The following SMIM40 variants were observed in gnomAD, a reference collection of about 807,000 sequenced individuals.
SMIM40 encodes the protein small integral membrane protein 40.
At position 33,326,847 on chromosome 6, in the gene SMIM40, C is replaced by T. The variant is rs993344389; in HGVS notation, c.*39+2140G>A. On this transcript the variant is annotated intron_variant, in intron 1 of 2. Transcript: ENST00000494082. The stretch of plus-strand genomic sequence containing the variant: ...TCAAAAAATAAAAAAATAGGCCGGG[C>T]GTGGTGGCTCAAACCTGTAATCCCA... 5.5e-5 allele frequency among the ~76,000 whole-genome samples: 8 copies of T among 146,710 alleles called. 1 individual carries two copies. The highest frequency in any genetic ancestry group is 8.9e-5 in the Non-Finnish European group (6 of 67,590).
chr6:33,328,315 G>A (rs2151011419), intron 1 of SMIM40, among the ~76,000 whole-genome samples: 2 of 151,036 alleles, frequency 1.3e-5, no homozygotes, highest in South Asian at 4.2e-4. Flanking sequence ...CCTCTGAGTA[G>A]CTGAGGCAGA....
chr6:33,327,952 G>C (rs1324931868), intron 1 of SMIM40, among the ~76,000 whole-genome samples: 1 of 150,008 alleles, frequency 6.7e-6, no homozygotes, highest in Admixed American at 6.7e-5. Context: ...TAGGGGTGCT[G>C]GTGCACACCT....
chr6:33,326,163 C>CTT (rs770269427), intron 1 of SMIM40, among the ~76,000 whole-genome samples: 1 of 135,714 alleles, frequency 7.4e-6, no homozygotes, highest in Non-Finnish European at 1.6e-5. Flanking sequence ...CTAATTTATA[C>CTT]TTTTTTTTTT....
chr6:33,327,235 A>G (rs887618220), intron 1 of SMIM40, among the ~76,000 whole-genome samples: 4 of 148,530 alleles, frequency 2.7e-5, no homozygotes, highest in African/African-American at 1.0e-4. Context: ...AGCCTGGCCA[A>G]TATGGTGACA....
At chr6:33,328,182 TTTTA>T (rs1056592958) in intron 1 of SMIM40, among the ~76,000 whole-genome samples, 2 of 151,414 alleles carry the variant, frequency 1.3e-5, no homozygotes, top group African/African-American at 2.4e-5. Context: ...TTATTTTTAT[TTTTA>T]TTTATTTATT....
rs770269427 is a variant in SMIM40, at chr6:33,326,163, C to CT, written c.*40-2134dup. On this transcript the variant is annotated intron_variant, in intron 1 of 2. Transcript: ENST00000494082. ...CCCAACTGGTAAGAACTAATTTATA[C>CT]TTTTTTTTTTTTTTTGAGATGGAGT... is the stretch of plus-strand genomic sequence containing the variant. Among the ~76,000 whole-genome samples, 268 of 135,678 alleles carry CT rather than the reference C, an allele frequency of 2.0e-3. 7 individuals carry two copies. The highest frequency in any genetic ancestry group is 2.8e-3 in the African/African-American group (97 of 34,218). The allele number at this position is 135,678 out of a possible 152,430, so 89.0% of individuals were successfully genotyped here. A position where few individuals can be genotyped will look rare whatever the true frequency, so the allele number is the denominator to read the frequency against.
chr6:33,328,556 C>A (rs1268011825), intron 1 of SMIM40, among the ~76,000 whole-genome samples: 1 of 151,804 alleles, frequency 6.6e-6, no homozygotes, highest in East Asian at 1.9e-4. Flanking sequence ...GTATATACTT[C>A]TTCAAAATTA....
At chr6:33,327,079 G>A (rs986187013) in intron 1 of SMIM40, among the ~76,000 whole-genome samples, 3 of 146,982 alleles carry the variant, frequency 2.0e-5, no homozygotes, top group East Asian at 3.9e-4. Flanking sequence ...AGCCAAGATC[G>A]CACCACTACA....
At position 33,326,227 on chromosome 6, in the gene SMIM40, C is replaced by T. The variant is rs551936291; in HGVS notation, c.*40-2197G>A. Among the ~76,000 whole-genome samples, 38 of 147,514 alleles carry T rather than the reference C, an allele frequency of 2.6e-4. 5 individuals are homozygous for T. The highest frequency in any genetic ancestry group is 1.0e-3 in the African/African-American group (38 of 37,872). ...CCAGGCTGGAGTTCAATGGCACAAT[C>T]TCTGCTTACTGCAACCTCCCACTCC... On this transcript the variant is annotated intron_variant, in intron 1 of 2. Transcript: ENST00000494082.
At chr6:33,326,735 A>T (rs1237737369) in intron 1 of SMIM40, among the ~76,000 whole-genome samples, 1 of 147,968 alleles carries the variant, frequency 6.8e-6, no homozygotes, top group African/African-American at 2.6e-5. Context: ...GAGGCAGGGG[A>T]ATCCCTTGAA....
rs375200562 is a variant in SMIM40, at chr6:33,327,605, A to G, written c.*39+1382T>C. On this transcript the variant is annotated intron_variant, in intron 1 of 2. Transcript: ENST00000494082. ...CTGGGCGCAGTGGCTCATGCCTGTA[A>G]TCCCAGCACTTTGGGAGGCTGAGGT... Among the ~76,000 whole-genome samples, 33 of 151,826 alleles carry G rather than the reference A, an allele frequency of 2.2e-4. No homozygotes were observed. In the South Asian group the frequency reaches 5.2e-3, roughly 24 times the overall value.
intron 1 of SMIM40, among the ~76,000 whole-genome samples, chr6:33,328,549 T>C (rs1774560168): frequency 6.6e-6 from 1 of 152,008 alleles, no homozygotes; most frequent in Admixed American, 6.6e-5. Context: ...TGAAGGAGTA[T>C]ATACTTCTTC....
intron 1 of SMIM40, among the ~76,000 whole-genome samples, chr6:33,325,237 C>T (rs1048056155): frequency 6.8e-6 from 1 of 146,684 alleles, no homozygotes; most frequent in South Asian, 2.1e-4. Flanking sequence ...CTTGGTGGCA[C>T]GCGCCTGTAG....
chr6:33,326,909 G>A (rs1330672163), intron 1 of SMIM40, among the ~76,000 whole-genome samples: 3 of 144,378 alleles, frequency 2.1e-5, no homozygotes, highest in East Asian at 2.0e-4. Context: ...ATCACCTGAG[G>A]TCAGGAGTTC....
At chr6:33,324,560 T>G (rs994397578) in intron 1 of SMIM40, among the ~76,000 whole-genome samples, 4 of 149,504 alleles carry the variant, frequency 2.7e-5, no homozygotes, top group Non-Finnish European at 5.9e-5. Flanking sequence ...TTTTTTTTTT[T>G]TTTTTCCTTT....
chr6:33,324,545 C>CTTTTTTTTTTTTTTTTTTTCTTTT (rs1771014602), intron 1 of SMIM40, among the ~76,000 whole-genome samples: 8 of 103,212 alleles, frequency 7.8e-5, no homozygotes, highest in African/African-American at 1.4e-4. Flanking sequence ...ACCACCTTTT[C>CTTTTTTTTTTTTTTTTTTTCTTTT]TTTTTTTTTT....
rs1428179530 is a variant in SMIM40, at chr6:33,327,500, G to A, written c.*39+1487C>T. On this transcript the variant is annotated intron_variant, in intron 1 of 2. Coordinates refer to ENST00000494082, the MANE Select transcript of SMIM40 (RefSeq NM_001369203.1). ...TCCTAGCACTTTGGGAAGTTGAGGT[G>A]GGTGGATTGCTTGATCTCAGGATTA... Among the ~76,000 whole-genome samples, 3 of 149,522 alleles carry A rather than the reference G, an allele frequency of 2.0e-5. 1 individual carries two copies. Among genetic ancestry groups the A allele is most frequent in the African/African-American group, 5.1e-5 (2 of 38,976 alleles).
chr6:33,324,565 T>C (rs28993578), intron 1 of SMIM40, among the ~76,000 whole-genome samples: 36 of 118,492 alleles, frequency 3.0e-4, no homozygotes, highest in African/African-American at 1.2e-3. Flanking sequence ...TTTTTTTTTT[T>C]CCTTTCTTTT....
intron 1 of SMIM40, among the ~76,000 whole-genome samples, chr6:33,324,545 C>CTTTTTTTTTTTTTTTTTTTTTCTTTTT (rs9280406): frequency 1.8e-3 from 187 of 103,102 alleles, no homozygotes; most frequent in Non-Finnish European, 2.5e-3. Flanking sequence ...ACCACCTTTT[C>CTTTTTTTTTTTTTTTTTTTTTCTTTTT]TTTTTTTTTT....
Sources: gnomAD v4.1 joint callset for allele counts (sites outside exome capture counted in the v4.1 genomes callset) on GRCh38, gnomAD v4.1.1 for gene constraint, MANE v1.5 for transcripts, NCBI Gene and HGNC (gene_info 2026-07-23, HGNC 2026-07-21) for gene names.